The following KIF5C variants were observed in gnomAD, a reference collection of about 807,000 sequenced individuals.
KIF5C encodes the protein kinesin heavy chain isoform 5C.
Under a neutral mutation model 125.2 loss-of-function variants are expected in KIF5C, and 18 were observed. The ratio of observed to expected loss-of-function variants is 0.14; its 90% CI spans 0.10 to 0.21. The LOEUF is 0.21. KIF5C is among the 10% of genes least tolerant of loss of function. The pLI is 1.00. For missense variants in KIF5C, 780 were observed against 1,183.8 expected (o/e 0.66, Z 5.01); for synonymous variants, 405 against 434.0 (o/e 0.93, Z 0.83).
At chr2:148,951,207 G>T (rs1043648646) in intron 10 of KIF5C, among the ~76,000 whole-genome samples, 1 of 152,182 alleles carries the variant, frequency 6.6e-6, no homozygotes, top group African/African-American at 2.4e-5. Flanking sequence ...TTAGGTGAAT[G>T]CAGAAGAGAG....
intron 22 of KIF5C, among the ~76,000 whole-genome samples, chr2:149,007,122 C>T (rs932822437): frequency 2.0e-5 from 3 of 152,136 alleles, no homozygotes; most frequent in Non-Finnish European, 2.9e-5. Context: ...AGGGATGGGG[C>T]GTGGCAATCT....
rs115321344 is a variant in KIF5C at position 148,967,655 on chromosome 2, T to C, written c.1117+5536T>C. On this transcript the variant is annotated intron_variant, in intron 11 of 25. Transcript: ENST00000435030. ...ACAAATGTTCACCACAATCTACTAGTGACATCTTGTGGGCCGATATCGATG... is the reference window on the plus strand; with the variant it reads ...ACAAATGTTCACCACAATCTACTAGCGACATCTTGTGGGCCGATATCGATG... Among the ~76,000 whole-genome samples, 44 of 152,332 alleles carry C rather than the reference T, an allele frequency of 2.9e-4. No individual in the cohort carries two copies. The South Asian group carries it at 5.8e-3, about 20-fold the overall frequency.
chr2:148,959,613 GT>G (rs1369879974), intron 10 of KIF5C, among the ~76,000 whole-genome samples: 2 of 152,296 alleles, frequency 1.3e-5, no homozygotes, highest in South Asian at 4.2e-4. Context: ...GATTCCCACT[GT>G]TATTTGAGTT....
intron 6 of KIF5C, 48 bp from the exon 7 acceptor site, chr2:148,942,625 T>A: frequency 6.4e-7 from 1 of 1,569,562 alleles, no homozygotes; most frequent in Non-Finnish European, 8.7e-7. Flanking sequence ...CAAAATATTG[T>A]TGCTTTTCAA....
At chr2:148,904,972 A>C (rs965173252) in intron 1 of KIF5C, among the ~76,000 whole-genome samples, 1 of 152,162 alleles carries the variant, frequency 6.6e-6, no homozygotes, top group African/African-American at 2.4e-5. Context: ...TTTAATCTCT[A>C]ATACTTTGGA....
At chr2:148,926,300 C>T (rs1456680067) in intron 2 of KIF5C, among the ~76,000 whole-genome samples, 1 of 152,196 alleles carries the variant, frequency 6.6e-6, no homozygotes, top group Non-Finnish European at 1.5e-5. Flanking sequence ...GGGGTTCATG[C>T]GGCTGCGGGA....
chr2:148,948,086 G>C (rs955701548), intron 8 of KIF5C: 2 of 442,654 alleles, frequency 4.5e-6, no homozygotes, highest in Non-Finnish European at 4.6e-6. Context: ...AGTGGCTCAC[G>C]CCTGTAATCC....
chr2:148,961,809 T>C (rs1414165431), intron 10 of KIF5C, among the ~76,000 whole-genome samples, 162 bp from the exon 11 acceptor site: 5 of 152,214 alleles, frequency 3.3e-5, no homozygotes, highest in African/African-American at 1.2e-4. Flanking sequence ...CAAGGGTTAG[T>C]GGTGCCGTTA....
intron 4 of KIF5C, 38 bp from the exon 5 acceptor site, chr2:148,941,572 C>A (rs775605658): frequency 1.3e-6 from 2 of 1,551,174 alleles, no homozygotes; most frequent in Admixed American, 2.0e-5. Flanking sequence ...AAATACACTG[C>A]GGCATGTCTA....
chr2:149,025,620 A>G lies in KIF5C; in HGVS notation c.*2550A>G, dbSNP rs1036611695. 16 of 152,188 alleles carry G rather than the reference A, an allele frequency of 1.1e-4. No individual in the cohort carries two copies. Among genetic ancestry groups the G allele is most frequent in the African/African-American group, 3.4e-4 (14 of 41,454 alleles). 9.4% of individuals were successfully genotyped at this position (152,188 alleles called of 1,614,324 possible). A position where few individuals can be genotyped will look rare whatever the true frequency, so the allele number is the denominator to read the frequency against. ...CATGTATTGTGTCTTTTTCTCCTCT[A>G]TGAATAATTTTATATTTCATGCTAC... On this transcript the variant is annotated 3_prime_UTR_variant, in exon 26 of 26. Transcript: ENST00000435030.
chr2:148,976,382 GC>G (rs1681072734), intron 12 of KIF5C, among the ~76,000 whole-genome samples: 1 of 151,818 alleles, frequency 6.6e-6, no homozygotes, highest in Non-Finnish European at 1.5e-5. Context: ...CAATTCTCCT[GC>G]CTCAGCCTCC....
chr2:148,973,819 A>G (rs545022098), intron 12 of KIF5C, among the ~76,000 whole-genome samples: 18 of 152,254 alleles, frequency 1.2e-4, no homozygotes, highest in African/African-American at 4.3e-4. Context: ...GTGAGTGTCT[A>G]TGATCTTTAA....
Position 148,876,721 on chromosome 2 carries a change from A to C in KIF5C, c.126+978A>C, listed in dbSNP as rs573423731. Among the ~76,000 whole-genome samples, 67 of 152,228 alleles carry C rather than the reference A, an allele frequency of 4.4e-4. No homozygotes were observed. The South Asian group carries it at 0.013, about 30-fold the overall frequency. On this transcript the variant is annotated intron_variant, in intron 1 of 25. Transcript: ENST00000435030. The surrounding 1 kb of genome is among the most constrained non-coding windows in gnomAD (Gnocchi z 4.7). ...TTAAAGGAATCTGTCAGATGAAACA[A>C]ACCAGCTCGGTCCCCCGCCCCTTCC...
At chr2:148,997,544 G>C (rs1231927632) in intron 18 of KIF5C, 4 of 922,914 alleles carry the variant, frequency 4.3e-6, no homozygotes, top group Non-Finnish European at 4.8e-6. Context: ...GATGTCTGTA[G>C]AGAATGGTTA....
intron 22 of KIF5C, among the ~76,000 whole-genome samples, chr2:149,006,185 ATGTG>A (rs1682001613): frequency 6.6e-6 from 1 of 152,074 alleles, no homozygotes; most frequent in African/African-American, 2.4e-5. Context: ...ATGTGTGTAA[ATGTG>A]TGTGCATATT....
In KIF5C at chr2:148,992,046, A is replaced by G. The variant is rs1177290419; in HGVS notation, c.1905+848A>G. On this transcript the variant is annotated intron_variant, in intron 16 of 25. Transcript: ENST00000435030. ...GGCATTAAAATAGGCTGTCATTTGG[A>G]GTAAACAGGAAACAGATACCAACAT... 8.5e-5 allele frequency among the ~76,000 whole-genome samples: 13 copies of G among 152,232 alleles called. 1 individual carries two copies. The highest frequency in any genetic ancestry group is 8.5e-4 in the Admixed American group (13 of 15,280).
chr2:148,906,204 G>A (rs1229471399), intron 1 of KIF5C, among the ~76,000 whole-genome samples: 5 of 152,172 alleles, frequency 3.3e-5, no homozygotes, highest in Non-Finnish European at 7.3e-5. Context: ...AATTCAGCAA[G>A]TACATTTTAG....
intron 1 of KIF5C, among the ~76,000 whole-genome samples, chr2:148,911,961 T>C (rs1489773523): frequency 1.3e-5 from 2 of 152,174 alleles, no homozygotes; most frequent in African/African-American, 4.8e-5. Context: ...TGGGAAACCC[T>C]TCCCTTCCTC....
intron 25 of KIF5C, among the ~76,000 whole-genome samples, chr2:149,016,253 C>A (rs1682352816): frequency 6.6e-6 from 1 of 152,204 alleles, no homozygotes; most frequent in South Asian, 2.1e-4. Context: ...GTGTGAGGGG[C>A]CACTGGGGCT....
Sources: gnomAD v4.1 joint callset for allele counts (sites outside exome capture counted in the v4.1 genomes callset) on GRCh38, gnomAD v4.1.1 for gene constraint, Gnocchi (gnomAD v3.1) non-coding constraint, MANE v1.5 for transcripts, NCBI Gene and HGNC (gene_info 2026-07-23, HGNC 2026-07-21) for gene names.